PPM1G: variants seen among roughly 807,000 people sequenced by gnomAD.
PPM1G encodes protein phosphatase 1G.
PPM1G carries 12 observed loss-of-function variants against 59.4 expected under a neutral mutation model. The ratio of observed to expected loss-of-function variants is 0.20; its 90% confidence interval spans 0.13 to 0.33. The LOEUF (loss-of-function observed/expected upper bound fraction) is 0.33, where lower values mean the gene tolerates loss of function less well. Ranked by LOEUF, PPM1G falls within the 10% of genes least tolerant of loss-of-function variation. The probability of loss-of-function intolerance (pLI) is 1.00; values close to 1 mark genes in which losing one functional copy is unlikely to be tolerated. For synonymous variants in PPM1G, 245 were observed against 251.9 expected, an observed-to-expected ratio of 0.97 and a Z score of 0.26; for missense variants, 392 against 681.3, an observed-to-expected ratio of 0.58 and a Z score of 4.73.
At chr2:27,401,749 C>G (rs992097509) in intron 1 of PPM1G, among the ~76,000 whole-genome samples, 4 of 152,112 alleles carry the variant, frequency 2.6e-5, no homozygotes, top group Admixed American at 6.5e-5. Flanking sequence ...TTCGCTTGAA[C>G]CTGGGAGGTG....
At chr2:27,402,649 C>T in intron 1 of PPM1G, among the ~76,000 whole-genome samples, 1 of 151,718 alleles carries the variant, frequency 6.6e-6, no homozygotes, top group Non-Finnish European at 1.5e-5. Flanking sequence ...ACTAAAAACA[C>T]ACACAAAAAA....
At chr2:27,407,186 G>A (rs946094633) in intron 1 of PPM1G, among the ~76,000 whole-genome samples, 28 of 151,966 alleles carry the variant, frequency 1.8e-4, no homozygotes, top group Non-Finnish European at 3.7e-4. Context: ...GGCTGGTCTC[G>A]AACTCCTAAG....
At chr2:27,404,323 G>A (rs2148428158) in intron 1 of PPM1G, among the ~76,000 whole-genome samples, 1 of 152,010 alleles carries the variant, frequency 6.6e-6, no homozygotes, top group Middle Eastern at 3.4e-3. Context: ...CGAGGCAGGT[G>A]GATCACAACG....
intron 9 of PPM1G, 132 bp from the exon 10 acceptor site, chr2:27,381,937 C>T (rs1683641370): frequency 4.9e-6 from 5 of 1,015,106 alleles, no homozygotes; most frequent in Non-Finnish European, 7.4e-6. Context: ...CACACAACGG[C>T]CCACCTGCTA....
chr2:27,387,250 C>A lies in PPM1G; in HGVS notation c.121-92G>T, dbSNP rs1305785926. 6.9e-6 allele frequency: 7 copies of A among 1,008,076 alleles called. No individual in the cohort carries two copies. In the East Asian group the frequency reaches 1.8e-4, roughly 25 times the overall value. The allele number at this position is 1,008,076 out of a possible 1,614,324, so 62.4% of individuals were successfully genotyped here. ...AATGTCACCCCTTACTAACCTTTCC[C>A]TGGCTGGCCTATATGGCCTAGAAAT... On this transcript the variant is annotated intron_variant, in intron 1 of 9. Coordinates refer to ENST00000344034, the MANE Select transcript of PPM1G (RefSeq NM_177983.3).
At chr2:27,400,202 C>G (rs559107621) in intron 1 of PPM1G, among the ~76,000 whole-genome samples, 1 of 151,184 alleles carries the variant, frequency 6.6e-6, no homozygotes, top group African/African-American at 2.4e-5. Context: ...TTCGAGACCG[C>G]CCTGGGCAAC....
chr2:27,381,455 T>C lies in PPM1G; in HGVS notation c.*144A>G. ...CGGCTGCAGTGTGGAGGGAGAGCCC[T>C]CTTTGGAATGGGCGGAGTGAAGCCA... On this transcript the variant is annotated 3_prime_UTR_variant, in exon 10 of 10. Coordinates refer to ENST00000344034, the MANE Select transcript of PPM1G (RefSeq NM_177983.3). 2.3e-6 allele frequency: 2 copies of C among 857,338 alleles called. No homozygotes were observed. Among genetic ancestry groups the C allele is most frequent in the South Asian group, 3.2e-5 (2 of 62,092 alleles). 53.1% of individuals were successfully genotyped at this position (857,338 alleles called of 1,614,324 possible).
chr2:27,403,792 G>A (rs891432413), intron 1 of PPM1G, among the ~76,000 whole-genome samples: 2 of 151,786 alleles, frequency 1.3e-5, no homozygotes, highest in African/African-American at 4.8e-5. Flanking sequence ...GGAGGCTGAG[G>A]CCGGAGAATC....
At chr2:27,390,318 C>A (rs760610565) in intron 1 of PPM1G, among the ~76,000 whole-genome samples, 1 of 152,180 alleles carries the variant, frequency 6.6e-6, no homozygotes, top group Non-Finnish European at 1.5e-5. Flanking sequence ...TTGCAACTGG[C>A]CAAACACAGA....
intron 1 of PPM1G, among the ~76,000 whole-genome samples, chr2:27,387,501 TTTC>T (rs1303293627): frequency 1.1e-4 from 16 of 152,114 alleles, no homozygotes; most frequent in Admixed American, 5.2e-4. Flanking sequence ...TAAAGGATTT[TTTC>T]TTCTTTTTTT....
At chr2:27,406,418 A>C (rs1372458223) in intron 1 of PPM1G, among the ~76,000 whole-genome samples, 1 of 152,214 alleles carries the variant, frequency 6.6e-6, no homozygotes, top group Non-Finnish European at 1.5e-5. Context: ...GCAGAATAGG[A>C]TCCCAAACAA....
At chr2:27,393,861 C>T (rs1683979186) in intron 1 of PPM1G, among the ~76,000 whole-genome samples, 2 of 152,174 alleles carry the variant, frequency 1.3e-5, no homozygotes, top group Non-Finnish European at 1.5e-5. Flanking sequence ...CTTCCGGGTT[C>T]ACGCCATTCT....
intron 1 of PPM1G, among the ~76,000 whole-genome samples, chr2:27,387,427 A>C (rs887536581): frequency 3.9e-5 from 6 of 152,194 alleles, no homozygotes; most frequent in African/African-American, 1.2e-4. Flanking sequence ...AGATGGCAGA[A>C]TATTTGGCTA....
At chr2:27,391,982 T>TGGC (rs1237903555) in intron 1 of PPM1G, among the ~76,000 whole-genome samples, 1 of 151,912 alleles carries the variant, frequency 6.6e-6, no homozygotes, top group Non-Finnish European at 1.5e-5. Context: ...CTGCCCACCT[T>TGGC]GGCCTCCCAA....
At chr2:27,392,849 C>T (rs967859221) in intron 1 of PPM1G, 9 of 1,474,566 alleles carry the variant, frequency 6.1e-6, no homozygotes, top group African/African-American at 4.2e-5. Flanking sequence ...ACGCCAGATT[C>T]GGGCGCTCCC....
chr2:27,382,494 A>G lies in PPM1G; in HGVS notation c.1313T>C (p.Ile438Thr). Reference sequence around the variant, plus strand: ...TGCTCACCAGATGCCATCACAGGCAATGACCATGAATTCATGGTCGTCAGT... The same window carrying G: ...TGCTCACCAGATGCCATCACAGGCAGTGACCATGAATTCATGGTCGTCAGT... ...TLTDDHEFMV[I>T]ACDGIWNVMS... is the part of the protein sequence containing the mutation. Residue 438 changes from isoleucine to threonine, a missense_variant, in exon 8 of 10, where the codon ATT becomes ACT. This residue lies in a region of PPM1G where 53 missense variants were observed against 175.4 expected (regional missense o/e 0.30). Transcript: ENST00000344034. The surrounding 1 kb of genome is among the most constrained non-coding windows in gnomAD (Gnocchi z 4.2). 6.2e-7 allele frequency: 1 copy of G among 1,614,196 alleles called. No homozygotes were observed. The highest frequency in any genetic ancestry group is 8.5e-7 in the Non-Finnish European group (1 of 1,180,040).
chr2:27,384,598 G>C lies in PPM1G; in HGVS notation c.825+75C>G. 1 of 1,491,838 alleles carries C rather than the reference G, an allele frequency of 6.7e-7. No homozygotes were observed. The highest frequency in any genetic ancestry group is 2.1e-5 in the Admixed American group (1 of 46,866). 92.4% of individuals were successfully genotyped at this position (1,491,838 alleles called of 1,614,324 possible). ...TGTCAAAATAGGAGAAGGAAAGAGA[G>C]TTGAAAACTACAGACGGCAACCAAA... On this transcript the variant is annotated intron_variant, in intron 5 of 9. Coordinates refer to ENST00000344034, the MANE Select transcript of PPM1G (RefSeq NM_177983.3). The surrounding 1 kb of genome is among the most constrained non-coding windows in gnomAD (Gnocchi z 4.8).
chr2:27,385,968 T>C lies in PPM1G; in HGVS notation c.277-89A>G. Reference sequence around the variant, plus strand: ...ACAAGGATGGAATACAAATTAAGAGTGTGAGCCACCACACTAAGAGACACT... The same window carrying C: ...ACAAGGATGGAATACAAATTAAGAGCGTGAGCCACCACACTAAGAGACACT... On this transcript the variant is annotated intron_variant, in intron 3 of 9. Transcript: ENST00000344034. The surrounding 1 kb of genome is among the most constrained non-coding windows in gnomAD (Gnocchi z 4.1). 2 of 1,463,454 alleles carry C rather than the reference T, an allele frequency of 1.4e-6. No homozygotes were observed. Among genetic ancestry groups the C allele is most frequent in the Non-Finnish European group, 9.2e-7 (1 of 1,088,890 alleles). The allele number at this position is 1,463,454 out of a possible 1,614,324, so 90.7% of individuals were successfully genotyped here.
intron 1 of PPM1G, chr2:27,393,423 G>T: frequency 8.8e-7 from 1 of 1,136,566 alleles, no homozygotes; most frequent in Non-Finnish European, 1.3e-6. Flanking sequence ...CGGCGCTGGA[G>T]CTGCGGCGGG....
Sources: allele counts gnomAD v4.1 joint callset (sites outside exome capture counted in the v4.1 genomes callset), GRCh38; gene constraint gnomAD v4.1.1; regional missense constraint gnomAD v4.1.1; non-coding constraint Gnocchi (gnomAD v3.1); transcripts MANE v1.5; gene names NCBI Gene and HGNC (gene_info 2026-07-23, HGNC 2026-07-21).